FBXO8: variants seen among roughly 807,000 people sequenced by gnomAD.
The protein encoded by FBXO8 is F-box only protein 8.
In FBXO8, 15 loss-of-function variants were observed where a neutral mutation model predicts 33.4. The ratio of observed to expected loss-of-function variants is 0.45; its 90% CI spans 0.30 to 0.69. The LOEUF is 0.69. Ranked by LOEUF, FBXO8 falls within the 30% of genes least tolerant of loss-of-function variation. The pLI is 0.08. For missense variants in FBXO8, 274 were observed against 380.3 expected (o/e 0.72, Z 2.32); for synonymous variants, 132 against 131.5 (o/e 1.00, Z -0.02).
At position 174,259,877 on chromosome 4, in the gene FBXO8, T is replaced by G. The variant is rs1736509456; in HGVS notation, c.330-52A>C. ...GAAAACATTACTACATTTAATTTCC[T>G]AAGTTAAATATGCATATACATGCAA... On this transcript the variant is annotated intron_variant, in intron 2 of 5. Coordinates refer to ENST00000393674, the MANE Select transcript of FBXO8 (RefSeq NM_012180.3). This position sits in a 1 kb window ranked among gnomAD's most constrained non-coding sequence, Gnocchi z 4.3. 4 of 1,486,534 alleles carry G rather than the reference T, an allele frequency of 2.7e-6. No individual in the cohort carries two copies. The East Asian group carries it at 9.6e-5, about 36-fold the overall frequency. 92.1% of individuals were successfully genotyped at this position (1,486,534 alleles called of 1,614,324 possible).
Position 174,259,264 on chromosome 4 carries a change from T to A in FBXO8, c.456+435A>T, listed in dbSNP as rs967269944. ...AAGGCATTATTTGAAGACAACGTTT[T>A]GATTTGTCAGAAAATAGAACAATGT... On this transcript the variant is annotated intron_variant, in intron 3 of 5. Coordinates refer to ENST00000393674, the MANE Select transcript of FBXO8 (RefSeq NM_012180.3). The surrounding 1 kb of genome is among the most constrained non-coding windows in gnomAD (Gnocchi z 4.3). 1.1e-4 allele frequency among the ~76,000 whole-genome samples: 17 copies of A among 152,228 alleles called. No individual in the cohort carries two copies. Among genetic ancestry groups the A allele is most frequent in the Admixed American group, 9.8e-4 (15 of 15,282 alleles).
In FBXO8 at chr4:174,256,696, T is replaced by G. The variant is rs1411009870; in HGVS notation, c.456+3003A>C. Among the ~76,000 whole-genome samples the G allele has an allele frequency of 1.3e-5, 2 of 152,196 alleles. No individual in the cohort carries two copies. Among genetic ancestry groups the G allele is most frequent in the African/African-American group, 4.8e-5 (2 of 41,462 alleles). On this transcript the variant is annotated intron_variant, in intron 3 of 5. Coordinates refer to ENST00000393674, the MANE Select transcript of FBXO8 (RefSeq NM_012180.3). This position sits in a 1 kb window ranked among gnomAD's most constrained non-coding sequence, Gnocchi z 4.6. ...GCAATGTCCTTTTTTTCCTATATAT[T>G]TCCTAAGTGCATTCTGGTAAAGATA...
In FBXO8 at chr4:174,257,700, T is replaced by C. The variant is rs1398200014; in HGVS notation, c.456+1999A>G. On this transcript the variant is annotated intron_variant, in intron 3 of 5. Transcript: ENST00000393674. The surrounding 1 kb of genome is among the most constrained non-coding windows in gnomAD (Gnocchi z 4.3). Reference sequence around the variant, plus strand: ...TTATTAAGATCATTGAGACAGGGTCTCACTCTCACAGCTTATTGCACTCTT... The same window carrying C: ...TTATTAAGATCATTGAGACAGGGTCCCACTCTCACAGCTTATTGCACTCTT... Among the ~76,000 whole-genome samples the C allele has an allele frequency of 1.3e-5, 2 of 152,134 alleles. No homozygotes were observed. The highest frequency in any genetic ancestry group is 2.9e-5 in the Non-Finnish European group (2 of 68,018).
In FBXO8 at chr4:174,262,789, C is replaced by T; in HGVS notation, c.304G>A (p.Ala102Thr). The T allele has an allele frequency of 6.2e-7, 1 of 1,613,594 alleles. No individual in the cohort carries two copies. Among genetic ancestry groups the T allele is most frequent in the Non-Finnish European group, 8.5e-7 (1 of 1,179,616 alleles). The change falls in exon 2 of 6, where the codon GCG becomes ACG. Residue 102 changes from alanine (A) to threonine (T), a missense_variant. By Grantham distance (58) the Ala-to-Thr change is moderately conservative. This residue lies in a region of FBXO8 where 186 missense variants were observed against 293.4 expected (regional missense o/e 0.63). Transcript: ENST00000393674. This position sits in a 1 kb window ranked among gnomAD's most constrained non-coding sequence, Gnocchi z 4.6. The part of the protein sequence containing the change: ...CLASCVWQDL[A>T]NDELLWQGLC... ...CCTTGCCAGAGAAGTTCATCATTCG[C>T]AAGGTCCTGCCAAACACATGAAGCC...
chr4:174,273,747 C>G (rs959425857), intron 1 of FBXO8, among the ~76,000 whole-genome samples: 2 of 152,076 alleles, frequency 1.3e-5, no homozygotes, highest in Non-Finnish European at 2.9e-5. Context: ...TATTTTTATT[C>G]CTCTAACAAT....
intron 1 of FBXO8, among the ~76,000 whole-genome samples, chr4:174,279,403 G>A (rs1422792645): frequency 6.6e-6 from 1 of 152,036 alleles, no homozygotes; most frequent in Admixed American, 6.5e-5. Context: ...TTACAGATTG[G>A]AAGACTTATT....
At chr4:174,269,972 C>T (rs1379721649) in intron 1 of FBXO8, among the ~76,000 whole-genome samples, 1 of 152,100 alleles carries the variant, frequency 6.6e-6, no homozygotes, top group African/African-American at 2.4e-5. Context: ...CTATTATATA[C>T]TGTTTTGGTT....
In FBXO8 at chr4:174,255,592, A is replaced by G. The variant is rs933686152; in HGVS notation, c.456+4107T>C. ...GAAAAATGTGCTTACATAGTCATTA[A>G]AAAAAAAAACTTGTTATCTGACCCC... On this transcript the variant is annotated intron_variant, in intron 3 of 5. Coordinates refer to ENST00000393674, the MANE Select transcript of FBXO8 (RefSeq NM_012180.3). The surrounding 1 kb of genome is among the most constrained non-coding windows in gnomAD (Gnocchi z 4.3). Among the ~76,000 whole-genome samples the G allele has an allele frequency of 6.8e-6, 1 of 147,586 alleles. No homozygotes were observed. The highest frequency in any genetic ancestry group is 2.5e-5 in the African/African-American group (1 of 39,576).
In FBXO8 at chr4:174,251,808, A is replaced by G. The variant is rs1736291732; in HGVS notation, c.456+7891T>C. Among the ~76,000 whole-genome samples the G allele has an allele frequency of 6.6e-6, 1 of 152,130 alleles. No individual in the cohort carries two copies. Among genetic ancestry groups the G allele is most frequent in the African/African-American group, 2.4e-5 (1 of 41,430 alleles). On this transcript the variant is annotated intron_variant, in intron 3 of 5. Coordinates refer to ENST00000393674, the MANE Select transcript of FBXO8 (RefSeq NM_012180.3). The surrounding 1 kb of genome is among the most constrained non-coding windows in gnomAD (Gnocchi z 4.2). ...GATCAAGGAGAAGGAGCCTGCCATA[A>G]ACTCCAGCATTTTAGCTCCTATGGG...
rs1213715206 is a variant in FBXO8 at position 174,281,951 on chromosome 4, G to A, written c.-9+1459C>T. On this transcript the variant is annotated intron_variant, in intron 1 of 5. Coordinates refer to ENST00000393674, the MANE Select transcript of FBXO8 (RefSeq NM_012180.3). The surrounding 1 kb of genome is among the most constrained non-coding windows in gnomAD (Gnocchi z 4.6). ...CTTAGACTTTAGTATTAATGATTTT[G>A]ATGCATTATCATGGGTCAGTCAATG... 6.6e-6 allele frequency among the ~76,000 whole-genome samples: 1 copy of A among 152,130 alleles called. No individual in the cohort carries two copies. Among genetic ancestry groups the A allele is most frequent in the Non-Finnish European group, 1.5e-5 (1 of 68,016 alleles).
At position 174,241,651 on chromosome 4, in the gene FBXO8, A is replaced by T. The variant is rs1560865110; in HGVS notation, c.457-433T>A. ...TGCCTTTCAAGGAAAGAGCTTCTTG[A>T]TAAAAAAATGCTCCAAATGAAAGAC... On this transcript the variant is annotated intron_variant, in intron 3 of 5. Transcript: ENST00000393674. This position sits in a 1 kb window ranked among gnomAD's most constrained non-coding sequence, Gnocchi z 4.2. Among the ~76,000 whole-genome samples the T allele has an allele frequency of 6.7e-6, 1 of 149,076 alleles. No homozygotes were observed. Among genetic ancestry groups the T allele is most frequent in the Non-Finnish European group, 1.5e-5 (1 of 66,390 alleles).
chr4:174,273,466 G>A (rs1467211658), intron 1 of FBXO8, among the ~76,000 whole-genome samples: 1 of 151,924 alleles, frequency 6.6e-6, no homozygotes, highest in Non-Finnish European at 1.5e-5. Context: ...AGATAAATAA[G>A]AAACTAGATA....
chr4:174,243,559 C>A (rs1452539084), intron 3 of FBXO8, among the ~76,000 whole-genome samples: 1 of 142,412 alleles, frequency 7.0e-6, no homozygotes, highest in African/African-American at 2.5e-5. Flanking sequence ...GTCAAAAAAC[C>A]GCAATCACTT....
intron 3 of FBXO8, among the ~76,000 whole-genome samples, chr4:174,244,482 A>G (rs1736114032): frequency 6.6e-6 from 1 of 151,674 alleles, no homozygotes; most frequent in Non-Finnish European, 1.5e-5. Context: ...CTTAAATTTG[A>G]CCGTTTAATC....
At position 174,265,391 on chromosome 4, in the gene FBXO8, C is replaced by T. The variant is rs940233708; in HGVS notation, c.-8-2291G>A. On this transcript the variant is annotated intron_variant, in intron 1 of 5. Coordinates refer to ENST00000393674, the MANE Select transcript of FBXO8 (RefSeq NM_012180.3). This position sits in a 1 kb window ranked among gnomAD's most constrained non-coding sequence, Gnocchi z 4.7. ...GCTTATGTCCACACAAAAACCTACACGTGAATGTTTAAAGCAGTTTTGGTA... is the reference window on the plus strand; with the variant it reads ...GCTTATGTCCACACAAAAACCTACATGTGAATGTTTAAAGCAGTTTTGGTA... Among the ~76,000 whole-genome samples the T allele has an allele frequency of 1.3e-5, 2 of 151,840 alleles. No homozygotes were observed. The highest frequency in any genetic ancestry group is 1.9e-4 in the East Asian group (1 of 5,174).
chr4:174,263,126 G>C lies in FBXO8; in HGVS notation c.-8-26C>G. 1 of 1,584,654 alleles carries C rather than the reference G, an allele frequency of 6.3e-7. No homozygotes were observed. Among genetic ancestry groups the C allele is most frequent in the Non-Finnish European group, 8.6e-7 (1 of 1,160,178 alleles). On this transcript the variant is annotated intron_variant, in intron 1 of 5. Transcript: ENST00000393674. This position sits in a 1 kb window ranked among gnomAD's most constrained non-coding sequence, Gnocchi z 4.2. ...CTGGGAAAAAGCCAGAATGTAATAA[G>C]GGTGACATTTAAAAAGTAACCCATT...
chr4:174,265,832 A>C lies in FBXO8; in HGVS notation c.-8-2732T>G, dbSNP rs944867045. Among the ~76,000 whole-genome samples, 9 of 152,192 alleles carry C rather than the reference A, an allele frequency of 5.9e-5. No individual in the cohort carries two copies. Among genetic ancestry groups the C allele is most frequent in the African/African-American group, 2.2e-4 (9 of 41,460 alleles). On this transcript the variant is annotated intron_variant, in intron 1 of 5. Transcript: ENST00000393674. This position sits in a 1 kb window ranked among gnomAD's most constrained non-coding sequence, Gnocchi z 4.7. The stretch of plus-strand genomic sequence containing the variant: ...AAGTCTACTAATCATAAAGAAAAGT[A>C]TTTTATTTTCACCATTGCTATTCCT...
chr4:174,276,546 A>AT (rs1736965355), intron 1 of FBXO8, among the ~76,000 whole-genome samples: 1 of 152,076 alleles, frequency 6.6e-6, no homozygotes, highest in Admixed American at 6.5e-5. Context: ...GACAGAGCCA[A>AT]TTTTTAAAAA....
chr4:174,276,589 T>A (rs1484259649), intron 1 of FBXO8, among the ~76,000 whole-genome samples: 4 of 152,226 alleles, frequency 2.6e-5, no homozygotes, highest in African/African-American at 9.6e-5. Context: ...TGTTTTGTTT[T>A]GTTTTTTTGA....
Sources: gnomAD v4.1 joint callset for allele counts (sites outside exome capture counted in the v4.1 genomes callset) on GRCh38, gnomAD v4.1.1 for gene constraint, gnomAD v4.1.1 regional missense constraint, Gnocchi (gnomAD v3.1) non-coding constraint, MANE v1.5 for transcripts, NCBI Gene and HGNC (gene_info 2026-07-23, HGNC 2026-07-21) for gene names.